The following DPYD variants were observed in gnomAD, a reference collection of about 807,000 sequenced individuals.
The protein encoded by DPYD is dihydropyrimidine dehydrogenase.
Under a neutral mutation model 116.2 loss-of-function variants are expected in DPYD, and 109 were observed. That is an observed-to-expected ratio of 0.94 (90% CI 0.80 to 1.10). DPYD has a LOEUF of 1.10. Ranked by LOEUF, DPYD falls within the 50% of genes least tolerant of loss-of-function variation. The pLI, the probability that DPYD is intolerant of heterozygous loss-of-function variation, is 0.00. For missense variants in DPYD, 1,302 were observed against 1,254.5 expected (o/e 1.04, Z -0.57); for synonymous variants, 440 against 432.0 (o/e 1.02, Z -0.23).
chr1:97,127,920 A>G (rs2101659565), intron 20 of DPYD, among the ~76,000 whole-genome samples: 1 of 152,236 alleles, frequency 6.6e-6, no homozygotes, highest in Admixed American at 6.5e-5. Context: ...TACTGCAATA[A>G]CAAACCATGT....
chr1:97,580,870 C>T (rs546131216), intron 10 of DPYD, among the ~76,000 whole-genome samples: 7 of 152,284 alleles, frequency 4.6e-5, no homozygotes, highest in Middle Eastern at 3.4e-3. Context: ...ATTTTATCTA[C>T]TAACCCGCAA....
intron 13 of DPYD, among the ~76,000 whole-genome samples, chr1:97,489,278 T>C (rs1678834398): frequency 6.6e-6 from 1 of 152,200 alleles, no homozygotes; most frequent in African/African-American, 2.4e-5. Flanking sequence ...CCTGAGCTCA[T>C]GTTCCTACCT....
intron 5 of DPYD, 82 bp downstream of exon 5, chr1:97,721,428 G>T: frequency 6.5e-7 from 1 of 1,543,784 alleles, no homozygotes. Context: ...GGTATCAACA[G>T]AGCACCAAGG....
intron 16 of DPYD, among the ~76,000 whole-genome samples, chr1:97,369,907 T>C (rs981086504): frequency 1.3e-5 from 2 of 152,100 alleles, no homozygotes; most frequent in African/African-American, 4.8e-5. Context: ...GCAGCATTAG[T>C]TAGGGTAAGC....
intron 4 of DPYD, among the ~76,000 whole-genome samples, chr1:97,732,055 A>T (rs1261731319): frequency 6.6e-6 from 1 of 152,156 alleles, no homozygotes; most frequent in Non-Finnish European, 1.5e-5. Flanking sequence ...TGACTCTTGG[A>T]CTTATAGTTG....
chr1:97,384,985 C>T (rs751967656), intron 14 of DPYD, among the ~76,000 whole-genome samples: 1 of 151,980 alleles, frequency 6.6e-6, no homozygotes, highest in Non-Finnish European at 1.5e-5. Context: ...TCTAGTGAAA[C>T]TACAGCTTTT....
At chr1:97,219,589 G>A (rs1395482363) in intron 19 of DPYD, among the ~76,000 whole-genome samples, 3 of 152,112 alleles carry the variant, frequency 2.0e-5, no homozygotes, top group African/African-American at 7.2e-5. Flanking sequence ...TTATTTATAA[G>A]CAGCTAACCA....
Position 97,380,828 on chromosome 1 carries a change from G to A in DPYD, c.1974+1565C>T, listed in dbSNP as rs72728431. On this transcript the variant is annotated intron_variant, in intron 15 of 22. Coordinates refer to ENST00000370192, the MANE Select transcript of DPYD (RefSeq NM_000110.4). The stretch of plus-strand genomic sequence containing the variant: ...CATTGTAAGGAAATCTGTTTTAACC[G>A]GTTTTGAAGCATATTCATAAAACCA... 1.7e-4 allele frequency among the ~76,000 whole-genome samples: 26 copies of A among 152,062 alleles called. No individual in the cohort carries two copies. The East Asian group carries it at 4.6e-3, about 27-fold the overall frequency.
At chr1:97,268,589 T>C (rs1664379613) in intron 18 of DPYD, among the ~76,000 whole-genome samples, 2 of 152,120 alleles carry the variant, frequency 1.3e-5, no homozygotes, top group South Asian at 4.1e-4. Flanking sequence ...GGTTTGCAGC[T>C]TATACCTTCT....
intron 2 of DPYD, among the ~76,000 whole-genome samples, chr1:97,849,303 G>A (rs185545158): frequency 6.6e-6 from 1 of 152,162 alleles, no homozygotes; most frequent in East Asian, 1.9e-4. Context: ...TTATTTCTAG[G>A]TGGTAGGATT....
intron 10 of DPYD, among the ~76,000 whole-genome samples, chr1:97,578,204 A>G (rs544705540): frequency 6.6e-6 from 1 of 152,304 alleles, no homozygotes; most frequent in South Asian, 2.1e-4. Flanking sequence ...ATAACACTTA[A>G]AAGTATTCTT....
intron 5 of DPYD, among the ~76,000 whole-genome samples, chr1:97,714,111 G>C (rs1662458456): frequency 6.6e-6 from 1 of 152,004 alleles, no homozygotes; most frequent in South Asian, 2.1e-4. Context: ...AAATTTATTT[G>C]TATACCAGCT....
At chr1:97,913,625 T>G (rs1298396075) in intron 1 of DPYD, among the ~76,000 whole-genome samples, 1 of 152,170 alleles carries the variant, frequency 6.6e-6, no homozygotes, top group Non-Finnish European at 1.5e-5. Context: ...ACCTTTTCAT[T>G]AGGCATGGTA....
At chr1:97,662,672 T>G (rs893646603) in intron 8 of DPYD, among the ~76,000 whole-genome samples, 1 of 152,056 alleles carries the variant, frequency 6.6e-6, no homozygotes, top group African/African-American at 2.4e-5. Flanking sequence ...TAACAAAAGT[T>G]AGTCATCATG....
chr1:97,172,423 A>C (rs998044677), intron 20 of DPYD, among the ~76,000 whole-genome samples: 1 of 152,180 alleles, frequency 6.6e-6, no homozygotes, highest in African/African-American at 2.4e-5. Context: ...AATTCATATG[A>C]ATTTGTTTTT....
intron 20 of DPYD, among the ~76,000 whole-genome samples, chr1:97,131,168 T>A (rs1232127512): frequency 6.6e-6 from 1 of 151,900 alleles, no homozygotes; most frequent in Non-Finnish European, 1.5e-5. Flanking sequence ...AAAGGAACGC[T>A]ACAGGTCAGA....
intron 20 of DPYD, among the ~76,000 whole-genome samples, chr1:97,182,428 C>A (rs551248419): frequency 6.6e-6 from 1 of 152,078 alleles, no homozygotes; most frequent in South Asian, 2.1e-4. Flanking sequence ...CTTCCTCATG[C>A]CCTATGAAAT....
chr1:97,094,140 A>G (rs549515221), intron 21 of DPYD, among the ~76,000 whole-genome samples: 1 of 152,048 alleles, frequency 6.6e-6, no homozygotes, highest in Non-Finnish European at 1.5e-5. Flanking sequence ...TCCTCAAATT[A>G]TCACCTCCTG....
At chr1:97,174,463 C>G (rs1233985418) in intron 20 of DPYD, among the ~76,000 whole-genome samples, 1 of 152,210 alleles carries the variant, frequency 6.6e-6, no homozygotes, top group Non-Finnish European at 1.5e-5. Context: ...CGGAAGTCTT[C>G]CAACTCCACA....
Sources: gnomAD v4.1 joint callset for allele counts (sites outside exome capture counted in the v4.1 genomes callset) on GRCh38, gnomAD v4.1.1 for gene constraint, MANE v1.5 for transcripts, NCBI Gene and HGNC (gene_info 2026-07-23, HGNC 2026-07-21) for gene names.